ADGRB1: variants seen among roughly 807,000 people sequenced by gnomAD.
ADGRB1 encodes the protein brain-specific angiogenesis inhibitor 1.
Under a neutral mutation model 175.7 loss-of-function variants are expected in ADGRB1, and 36 were observed. The observed-to-expected ratio is 0.20, with a 90% CI of 0.16 to 0.27. ADGRB1 has a LOEUF of 0.27. Ranked by LOEUF, ADGRB1 falls within the 10% of genes least tolerant of loss-of-function variation. The pLI, the probability that ADGRB1 is intolerant of heterozygous loss-of-function variation, is 1.00. For missense variants in ADGRB1, 1,731 were observed against 2,255.3 expected, an observed-to-expected ratio of 0.77 and a Z score of 4.71; for synonymous variants, 1,054 against 979.4, an observed-to-expected ratio of 1.08 and a Z score of -1.42.
At chr8:142,460,052 G>C (rs920355217) in intron 1 of ADGRB1, among the ~76,000 whole-genome samples, 1 of 152,266 alleles carries the variant, frequency 6.6e-6, no homozygotes, top group Non-Finnish European at 1.5e-5. Flanking sequence ...GACCTGGGCT[G>C]CAGTGCCCGG....
intron 1 of ADGRB1, among the ~76,000 whole-genome samples, chr8:142,462,340 C>G (rs1353247767): frequency 6.6e-6 from 1 of 152,120 alleles, no homozygotes; most frequent in Non-Finnish European, 1.5e-5. Context: ...GCTAAAATTC[C>G]CCCACCCAGC....
At position 142,528,935 on chromosome 8, in the gene ADGRB1, G is replaced by A. The variant is rs550050477; in HGVS notation, c.3398+2308G>A. On this transcript the variant is annotated intron_variant, in intron 24 of 30. Coordinates refer to ENST00000517894, the MANE Select transcript of ADGRB1 (RefSeq NM_001702.3). ...GGCTGCGCTGCGGTAGGGAAGGAGC[G>A]GTGGTCAGTCCTGTCCCTCTGGGGC... Among the ~76,000 whole-genome samples, 79 of 152,334 alleles carry A rather than the reference G, an allele frequency of 5.2e-4. 2 individuals carry two copies. The highest frequency in any genetic ancestry group is 3.4e-3 in the Middle Eastern group (1 of 294).
At position 142,477,123 on chromosome 8, in the gene ADGRB1, C is replaced by T. The variant is rs766741905; in HGVS notation, c.1067C>T (p.Ala356Val). The T allele has an allele frequency of 1.3e-6, 2 of 1,571,508 alleles. No homozygotes were observed. The highest frequency in any genetic ancestry group is 1.7e-6 in the Non-Finnish European group (2 of 1,163,672). ...GFPAPQTGDP[A>V]AEEWSPWSVC... ...GTAGTGGGGCCTGCAGGTGACCCAG[C>T]AGCCGAGGAGTGGTCCCCGTGGAGC... Residue 356 changes from alanine to valine, a missense_variant, in exon 5 of 31, where the codon GCA (alanine) becomes GTA (valine). By Grantham distance (64) the Ala-to-Val change is moderately conservative (BLOSUM62 0). Coordinates refer to ENST00000517894, the MANE Select transcript of ADGRB1 (RefSeq NM_001702.3).
At chr8:142,519,229 A>G (rs1365321375) in intron 19 of ADGRB1, among the ~76,000 whole-genome samples, 1 of 152,122 alleles carries the variant, frequency 6.6e-6, no homozygotes, top group East Asian at 1.9e-4. Flanking sequence ...GTTCTGAGGA[A>G]GTTTTCTGCC....
chr8:142,501,748 CGGTG>C (rs1241955644), intron 17 of ADGRB1, among the ~76,000 whole-genome samples: 21 of 38,622 alleles, frequency 5.4e-4, no homozygotes, highest in African/African-American at 9.3e-4. Context: ...ATGGTGGTGG[CGGTG>C]ATGGCAATGG....
At chr8:142,461,407 C>G (rs1204831943) in intron 1 of ADGRB1, among the ~76,000 whole-genome samples, 1 of 152,240 alleles carries the variant, frequency 6.6e-6, no homozygotes. Context: ...GACACCCCTC[C>G]CAGGCCTGCA....
intron 17 of ADGRB1, among the ~76,000 whole-genome samples, chr8:142,506,169 G>T (rs562089286): frequency 5.8e-4 from 88 of 152,344 alleles, no homozygotes; most frequent in African/African-American, 1.9e-3. Context: ...TGGCACGGAG[G>T]TCCTTGGCGA....
chr8:142,497,460 C>T (rs368227319), intron 17 of ADGRB1, among the ~76,000 whole-genome samples: 4 of 151,996 alleles, frequency 2.6e-5, no homozygotes, highest in Non-Finnish European at 5.9e-5. Context: ...GTCTCTCCCA[C>T]GCCGGCCGGT....
intron 2 of ADGRB1, among the ~76,000 whole-genome samples, chr8:142,468,494 G>A (rs1056508528): frequency 2.0e-5 from 3 of 152,170 alleles, no homozygotes; most frequent in African/African-American, 4.8e-5. Context: ...TAGTGCCCAC[G>A]CTCTGTGCCC....
Position 142,468,654 on chromosome 8 carries a change from G to A in ADGRB1, c.784+3672G>A, listed in dbSNP as rs148484001. 5.9e-3 allele frequency among the ~76,000 whole-genome samples: 906 copies of A among 152,328 alleles called. 9 individuals are homozygous for A. Among genetic ancestry groups the A allele is most frequent in the African/African-American group, 0.02 (837 of 41,562 alleles). Reference sequence around the variant, plus strand: ...TCTGCCTCAGGGCCTTCACACAGCTGTTCCCTCTGCCAGGAAGTCTTCCCT... The same window carrying A: ...TCTGCCTCAGGGCCTTCACACAGCTATTCCCTCTGCCAGGAAGTCTTCCCT... On this transcript the variant is annotated intron_variant, in intron 2 of 30. Coordinates refer to ENST00000517894, the MANE Select transcript of ADGRB1 (RefSeq NM_001702.3).
intron 23 of ADGRB1, 56 bp from the exon 24 acceptor site, chr8:142,526,486 C>T (rs1844200146): frequency 6.3e-6 from 9 of 1,438,368 alleles, no homozygotes; most frequent in Middle Eastern, 1.9e-4. Context: ...CCAGTGTCAG[C>T]CCCTGAGCCT....
chr8:142,481,121 C>T (rs773391968), intron 9 of ADGRB1, 133 bp from the exon 10 acceptor site: 59 of 755,096 alleles, frequency 7.8e-5, no homozygotes, highest in Non-Finnish European at 1.0e-4. Context: ...CTGCTCTCGG[C>T]GTGAGGCCAT....
At chr8:142,527,893 A>T (rs1367470146) in intron 24 of ADGRB1, among the ~76,000 whole-genome samples, 1 of 152,192 alleles carries the variant, frequency 6.6e-6, no homozygotes, top group Non-Finnish European at 1.5e-5. Flanking sequence ...TGAGTGGCTG[A>T]TGGAGCTGAG....
intron 25 of ADGRB1, among the ~76,000 whole-genome samples, chr8:142,533,808 T>C (rs1013892450): frequency 1.3e-5 from 2 of 152,102 alleles, no homozygotes; most frequent in African/African-American, 4.8e-5. Flanking sequence ...TCCAGGGCAA[T>C]AGAGACTCCT....
At chr8:142,459,616 C>A (rs1469074030) in intron 1 of ADGRB1, among the ~76,000 whole-genome samples, 1 of 152,230 alleles carries the variant, frequency 6.6e-6, no homozygotes, top group Non-Finnish European at 1.5e-5. Flanking sequence ...GCCACGTGGC[C>A]TTGTACAAAT....
chr8:142,461,632 G>A lies in ADGRB1; in HGVS notation c.-219-2348G>A, dbSNP rs546920069. Among the ~76,000 whole-genome samples, 262 of 152,288 alleles carry A rather than the reference G, an allele frequency of 1.7e-3. 2 individuals carry two copies. The highest frequency in any genetic ancestry group is 5.9e-3 in the African/African-American group (246 of 41,566). ...ACCGCAGGCCCCTAGAACCTGCCCC[G>A]CCCTGGGAATGCTATGGGGTGGAGC... On this transcript the variant is annotated intron_variant, in intron 1 of 30. Coordinates refer to ENST00000517894, the MANE Select transcript of ADGRB1 (RefSeq NM_001702.3).
At position 142,489,481 on chromosome 8, in the gene ADGRB1, C is replaced by T. The variant is rs567156780; in HGVS notation, c.2631+43C>T. On this transcript the variant is annotated intron_variant, in intron 16 of 30. Transcript: ENST00000517894. ...GCACACTCTGATGCCAGCAGAAACG[C>T]GTGTGCGCGAATTCTGTCCCACTCC... 69 of 1,584,216 alleles carry T rather than the reference C, an allele frequency of 4.4e-5. 1 individual carries two copies. In the South Asian group the frequency reaches 5.8e-4, roughly 13 times the overall value.
In ADGRB1 at chr8:142,542,933, C is replaced by T. The variant is rs924013204; in HGVS notation, c.4413+286C>T. 6.6e-6 allele frequency among the ~76,000 whole-genome samples: 1 copy of T among 152,190 alleles called. No homozygotes were observed. Among genetic ancestry groups the T allele is most frequent in the Non-Finnish European group, 1.5e-5 (1 of 68,014 alleles). On this transcript the variant is annotated intron_variant, in intron 28 of 30. Transcript: ENST00000517894. The surrounding 1 kb of genome is among the most constrained non-coding windows in gnomAD (Gnocchi z 6.3). Reference sequence around the variant, plus strand: ...CACCTCGCACAGTCGCTAGTCCAGCCCTTGGGGCAGCCTGGCAGCACATAC... The same window carrying T: ...CACCTCGCACAGTCGCTAGTCCAGCTCTTGGGGCAGCCTGGCAGCACATAC...
At chr8:142,535,588 T>C (rs1844876371) in intron 25 of ADGRB1, among the ~76,000 whole-genome samples, 1 of 152,096 alleles carries the variant, frequency 6.6e-6, no homozygotes, top group Non-Finnish European at 1.5e-5. Flanking sequence ...GTGGAGGCCA[T>C]GCCGGGCAGC....
Sources: gnomAD v4.1 joint callset for allele counts (sites outside exome capture counted in the v4.1 genomes callset) on GRCh38, gnomAD v4.1.1 for gene constraint, Gnocchi (gnomAD v3.1) non-coding constraint, MANE v1.5 for transcripts, NCBI Gene and HGNC (gene_info 2026-07-23, HGNC 2026-07-21) for gene names.